DYNC2H1: variants seen among roughly 807,000 people sequenced by gnomAD.
DYNC2H1 encodes the protein cytoplasmic dynein 2 heavy chain 1.
Under a neutral mutation model 570.0 loss-of-function variants are expected in DYNC2H1, and 410 were observed. That is an observed-to-expected ratio of 0.72 (90% CI 0.66 to 0.78). The LOEUF (loss-of-function observed/expected upper bound fraction) is 0.78. Among genes scored for constraint, DYNC2H1 ranks in the 30% least tolerant of loss-of-function variants. The pLI, the probability that DYNC2H1 is intolerant of heterozygous loss-of-function variation, is 0.00. For synonymous variants in DYNC2H1, 1,688 were observed against 1,677.6 expected (o/e 1.01, Z -0.15); for missense variants, 4,865 against 5,046.4 (o/e 0.96, Z 1.09).
rs193187989 is a variant in DYNC2H1, at chr11:103,390,576, C to A, written c.12157-9087C>A. The stretch of plus-strand genomic sequence containing the variant: ...TGGTTATTTTGCTCGTTAGTTGATG[C>A]AGCTTCTTCCTAGCCTTGATGGGCT... On this transcript the variant is annotated intron_variant, in intron 83 of 88. Transcript: ENST00000375735. 2.6e-3 allele frequency among the ~76,000 whole-genome samples: 398 copies of A among 152,268 alleles called. 4 individuals are homozygous for A. Among genetic ancestry groups the A allele is most frequent in the African/African-American group, 8.8e-3 (366 of 41,534 alleles).
chr11:103,148,939 C>T (rs1414038273), intron 20 of DYNC2H1, among the ~76,000 whole-genome samples: 1 of 152,110 alleles, frequency 6.6e-6, no homozygotes, highest in Non-Finnish European at 1.5e-5. Flanking sequence ...TGCCTGTAAT[C>T]CCAGCTATTC....
intron 78 of DYNC2H1, among the ~76,000 whole-genome samples, chr11:103,308,298 G>T (rs1323680647): frequency 6.6e-6 from 1 of 152,090 alleles, no homozygotes; most frequent in African/African-American, 2.4e-5. Flanking sequence ...TTAACATAAT[G>T]TCCTCAAGGT....
chr11:103,253,360 GA>G lies in DYNC2H1; in HGVS notation c.10121del (p.Asn3374ThrfsTer31). The G allele has an allele frequency of 6.2e-7, 1 of 1,613,190 alleles. No individual in the cohort carries two copies. The highest frequency in any genetic ancestry group is 8.5e-7 in the Non-Finnish European group (1 of 1,179,514). On this transcript the variant is annotated frameshift_variant, in exon 66 of 89. Transcript: ENST00000375735. LOFTEE classifies it high-confidence loss of function. ...NEEFRLFLST[R>X]NPNPFIPPDA... ...GAATTCCGCCTCTTTTTGTCAACAA[GA>G]AACCCAAATCCTTTTATTCCACCGG...
chr11:103,175,106 T>G (rs1033937651), intron 36 of DYNC2H1, among the ~76,000 whole-genome samples: 2 of 152,186 alleles, frequency 1.3e-5, no homozygotes, highest in African/African-American at 4.8e-5. Context: ...TGGTTTTTTA[T>G]TCACATAAAA....
chr11:103,464,091 G>A (rs1471213799), intron 87 of DYNC2H1, among the ~76,000 whole-genome samples: 1 of 152,148 alleles, frequency 6.6e-6, no homozygotes, highest in Non-Finnish European at 1.5e-5. Flanking sequence ...AAATCATTCA[G>A]ATGAAACAGC....
chr11:103,174,196 T>A, intron 36 of DYNC2H1, 26 bp downstream of exon 36: 1 of 1,483,860 alleles, frequency 6.7e-7, no homozygotes, highest in Non-Finnish European at 9.1e-7. Flanking sequence ...CCAAATACAT[T>A]AACTTATTTT....
At position 103,324,377 on chromosome 11, in the gene DYNC2H1, A is replaced by G. The variant is rs1938362979; in HGVS notation, c.12039+387A>G. Among the ~76,000 whole-genome samples the G allele has an allele frequency of 6.6e-6, 1 of 151,960 alleles. No individual in the cohort carries two copies. The highest frequency in any genetic ancestry group is 1.5e-5 in the Non-Finnish European group (1 of 68,000). On this transcript the variant is annotated intron_variant, in intron 82 of 88. Coordinates refer to ENST00000375735, the MANE Select transcript of DYNC2H1 (RefSeq NM_001377.3). The surrounding 1 kb of genome is among the most constrained non-coding windows in gnomAD (Gnocchi z 5.2). ...GTCTGTTGTTCCCTTCTTTGTATCC[A>G]TGTATACTCAGTGTTTAGATCTCAC...
chr11:103,403,376 A>G (rs1202528562), intron 84 of DYNC2H1: 1 of 152,078 alleles, frequency 6.6e-6, no homozygotes, highest in Non-Finnish European at 1.5e-5. Context: ...AGTTATGATT[A>G]TTGACAAGAT....
At chr11:103,112,013 A>G (rs920654233) in intron 1 of DYNC2H1, among the ~76,000 whole-genome samples, 6 of 152,200 alleles carry the variant, frequency 3.9e-5, no homozygotes, top group African/African-American at 1.4e-4. Flanking sequence ...AAGTGCCGTT[A>G]AGATAAAAAT....
chr11:103,171,505 C>A (rs552186212), intron 34 of DYNC2H1, among the ~76,000 whole-genome samples: 46 of 152,284 alleles, frequency 3.0e-4, no homozygotes, highest in Middle Eastern at 3.4e-3. Flanking sequence ...ATCCACCCCC[C>A]TCGGCCTCCC....
intron 52 of DYNC2H1, among the ~76,000 whole-genome samples, chr11:103,206,141 C>T (rs2135103249): frequency 6.6e-6 from 1 of 152,200 alleles, no homozygotes; most frequent in South Asian, 2.1e-4. Context: ...TTGTATTCTG[C>T]ATACATTTTG....
In DYNC2H1 at chr11:103,283,060, G is replaced by C. The variant is rs772305401; in HGVS notation, c.10865G>C (p.Arg3622Pro). The C allele has an allele frequency of 5.6e-6, 9 of 1,607,964 alleles. No homozygotes were observed. Among genetic ancestry groups the C allele is most frequent in the Non-Finnish European group, 7.6e-6 (9 of 1,176,544 alleles). Residue 3622 changes from arginine (R) to proline (P), a missense_variant, in exon 73 of 89, where the codon CGA becomes CCA. Coordinates refer to ENST00000375735, the MANE Select transcript of DYNC2H1 (RefSeq NM_001377.3). Reference sequence around the variant, plus strand: ...CTTCCGTCTTGGATAGATCAGGAACGAAGCTGGGCCGTGGCAACATTAAAG... The same window carrying C: ...CTTCCGTCTTGGATAGATCAGGAACCAAGCTGGGCCGTGGCAACATTAAAG... ...DQLPSWIDQE[R>P]SWAVATLKIA...
chr11:103,329,062 T>C (rs933390100), intron 82 of DYNC2H1, among the ~76,000 whole-genome samples: 4 of 151,826 alleles, frequency 2.6e-5, no homozygotes, highest in African/African-American at 7.3e-5. Context: ...GTAGATATGA[T>C]AAAAAAGATT....
chr11:103,289,780 A>G lies in DYNC2H1; in HGVS notation c.11095+2175A>G, dbSNP rs1301790120. On this transcript the variant is annotated intron_variant, in intron 75 of 88. Coordinates refer to ENST00000375735, the MANE Select transcript of DYNC2H1 (RefSeq NM_001377.3). The surrounding 1 kb of genome is among the most constrained non-coding windows in gnomAD (Gnocchi z 4.2). Reference sequence around the variant, plus strand: ...CATCTCAAAGAAAAAAAGAAAAATGATTCTCTTTGTTGGATATAACCCATA... The same window carrying G: ...CATCTCAAAGAAAAAAAGAAAAATGGTTCTCTTTGTTGGATATAACCCATA... Among the ~76,000 whole-genome samples, 1 of 152,060 alleles carries G rather than the reference A, an allele frequency of 6.6e-6. No homozygotes were observed. Among genetic ancestry groups the G allele is most frequent in the Admixed American group, 6.5e-5 (1 of 15,272 alleles).
rs752742808 is a variant in DYNC2H1 at position 103,303,245 on chromosome 11, T to C, written c.11248T>C (p.Tyr3750His). The part of the protein sequence containing the change: ...LANAERSGEC[Y>H]HQVAMGQGQA... ...TAATGCTGAAAGAAGCGGAGAGTGTTATCACCAGGTAAGTACATATTGTCC... is the reference window on the plus strand; with the variant it reads ...TAATGCTGAAAGAAGCGGAGAGTGTCATCACCAGGTAAGTACATATTGTCC... Residue 3750 changes from tyrosine (Y) to histidine (H), a missense_variant, in exon 76 of 89, where the codon TAT (tyrosine) becomes CAT (histidine). By Grantham distance (83) the Tyr-to-His change is moderately conservative (BLOSUM62 2). Around this residue, in one of 5 missense-constraint regions of DYNC2H1, gnomAD observed 2,401 missense variants for 2,454.6 expected, o/e 0.98. Coordinates refer to ENST00000375735, the MANE Select transcript of DYNC2H1 (RefSeq NM_001377.3). The C allele has an allele frequency of 1.9e-6, 3 of 1,611,778 alleles. No individual in the cohort carries two copies. Among genetic ancestry groups the C allele is most frequent in the African/African-American group, 2.7e-5 (2 of 74,846 alleles).
chr11:103,450,620 AAATTAATTT>A (rs1473539993), intron 85 of DYNC2H1, among the ~76,000 whole-genome samples: 3 of 152,250 alleles, frequency 2.0e-5, no homozygotes, highest in African/African-American at 7.2e-5. Flanking sequence ...ATAAAGTTGG[AAATTAATTT>A]AATTGAATAA....
At chr11:103,309,649 A>G (rs746108283) in intron 78 of DYNC2H1, among the ~76,000 whole-genome samples, 2 of 152,162 alleles carry the variant, frequency 1.3e-5, no homozygotes, top group Non-Finnish European at 2.9e-5. Flanking sequence ...CTAGTAAGAA[A>G]GAACTTTCCC....
chr11:103,364,001 A>T (rs1913462), intron 83 of DYNC2H1, among the ~76,000 whole-genome samples: 1 of 152,090 alleles, frequency 6.6e-6, no homozygotes, highest in Non-Finnish European at 1.5e-5. Flanking sequence ...AAGAAATGCC[A>T]TTAATAAAAA....
At position 103,143,613 on chromosome 11, in the gene DYNC2H1, G is replaced by C. The variant is rs117680094; in HGVS notation, c.2702+218G>C. Among the ~76,000 whole-genome samples, 1,217 of 152,158 alleles carry C rather than the reference G, an allele frequency of 8.0e-3. 9 individuals are homozygous for C. The highest frequency in any genetic ancestry group is 0.014 in the Admixed American group (210 of 15,274). On this transcript the variant is annotated intron_variant, in intron 18 of 88. Transcript: ENST00000375735. Reference sequence around the variant, plus strand: ...GGCGGAGACCTATTTAGGTAAAATAGACTGAAGAAAGAGGCTTCTATCTTC... The same window carrying C: ...GGCGGAGACCTATTTAGGTAAAATACACTGAAGAAAGAGGCTTCTATCTTC...
Sources: allele counts gnomAD v4.1 joint callset (sites outside exome capture counted in the v4.1 genomes callset), GRCh38; gene constraint gnomAD v4.1.1; regional missense constraint gnomAD v4.1.1; non-coding constraint Gnocchi (gnomAD v3.1); transcripts MANE v1.5; gene names NCBI Gene and HGNC (gene_info 2026-07-23, HGNC 2026-07-21).